SYTL2: variants seen among roughly 807,000 people sequenced by gnomAD.
The protein encoded by SYTL2 is synaptotagmin like 2, also known as synaptotagmin-like protein 2.
Under a neutral mutation model 198.7 loss-of-function variants are expected in SYTL2, and 165 were observed. The observed-to-expected ratio is 0.83, with a 90% CI of 0.73 to 0.94. The LOEUF is 0.94. Among genes scored for constraint, SYTL2 ranks in the 40% least tolerant of loss-of-function variants. The probability of loss-of-function intolerance (pLI) is 0.00; values close to 1 mark genes in which losing one functional copy is unlikely to be tolerated. For missense variants in SYTL2, 2,835 were observed against 2,582.8 expected (o/e 1.10, Z -2.12); for synonymous variants, 966 against 917.7 (o/e 1.05, Z -0.95).
At chr11:85,753,919 C>T (rs1254060472) in intron 2 of SYTL2, among the ~76,000 whole-genome samples, 1 of 152,134 alleles carries the variant, frequency 6.6e-6, no homozygotes, top group Non-Finnish European at 1.5e-5. Flanking sequence ...TCATCTACCG[C>T]CATACTGAAA....
chr11:85,733,970 C>T lies in SYTL2; in HGVS notation c.1359G>A (p.Arg453=), dbSNP rs771364333. ...EPKDKSSELT[R]LESVLPRSPA... is the part of the protein sequence containing the mutation. ...GGCTTCTGGGTAATACAGATTCAAG[C>T]CTTGTTAATTCTGATGATTTATCTT... Residue 453 remains arginine, a synonymous_variant, in exon 7 of 20, where the codon AGG becomes AGA. Transcript: ENST00000359152. 1 of 1,614,022 alleles carries T rather than the reference C, an allele frequency of 6.2e-7. No homozygotes were observed. The highest frequency in any genetic ancestry group is 8.5e-7 in the Non-Finnish European group (1 of 1,179,922).
intron 9 of SYTL2, chr11:85,719,466 A>C (rs2153451283): frequency 2.9e-6 from 1 of 342,336 alleles, no homozygotes; most frequent in Middle Eastern, 1.5e-3. Context: ...CCCATGTTTC[A>C]CAGGCAAGAG....
chr11:85,712,381 T>C (rs2153428428), intron 12 of SYTL2, among the ~76,000 whole-genome samples: 1 of 152,318 alleles, frequency 6.6e-6, no homozygotes, highest in South Asian at 2.1e-4. Context: ...TAGTGAATTA[T>C]TGGAAGGATA....
At chr11:85,821,907 G>C in the SYTL2 span, among the ~76,000 whole-genome samples, 1 of 152,208 alleles carries the variant, frequency 6.6e-6, no homozygotes, top group East Asian at 1.9e-4. Context: ...CTACCTGAAT[G>C]ACTGTGCTAG....
chr11:85,817,504 ATC>A, the SYTL2 span, among the ~76,000 whole-genome samples: 3 of 152,338 alleles, frequency 2.0e-5, no homozygotes, highest in East Asian at 3.9e-4. Flanking sequence ...AATTAATTTC[ATC>A]TGTTTATTTT....
intron 1 of SYTL2, among the ~76,000 whole-genome samples, chr11:85,795,903 AAAGGTGACACAC>A: frequency 6.6e-6 from 1 of 152,288 alleles, no homozygotes. Flanking sequence ...AGGACTCAGG[AAAGGTGACACAC>A]AAGCACAGAG....
the SYTL2 span, among the ~76,000 whole-genome samples, chr11:85,848,565 C>T: frequency 6.6e-6 from 1 of 151,828 alleles, no homozygotes; most frequent in Non-Finnish European, 1.5e-5. Context: ...CTTTGCTTAT[C>T]GAGTTACTTT....
Position 85,720,870 on chromosome 11 carries a change from A to G in SYTL2, c.5416T>C (p.Ser1806Pro). ...MPSKSLEDIS[S>P]DSSNQAKVDN... The stretch of plus-strand genomic sequence containing the variant: ...ACTTTATTCTCACTTGATGAATCTG[A>G]TGAAATGTCTTCTAGACTTTTGGAA... The change falls in exon 9 of 20, where the codon TCA (serine) becomes CCA (proline). Residue 1806 changes from serine (S) to proline (P), a missense_variant. Physicochemically the swap from Ser to Pro is moderately conservative, Grantham distance 74 (BLOSUM62 -1). Coordinates refer to ENST00000359152, the MANE Select transcript of SYTL2 (RefSeq NM_206927.4). 1 of 1,611,850 alleles carries G rather than the reference A, an allele frequency of 6.2e-7. No individual in the cohort carries two copies. The highest frequency in any genetic ancestry group is 8.5e-7 in the Non-Finnish European group (1 of 1,177,966).
At chr11:85,757,541 A>T in intron 2 of SYTL2, 84 bp downstream of exon 2, 1 of 1,470,550 alleles carries the variant, frequency 6.8e-7, no homozygotes, top group Non-Finnish European at 9.4e-7. Context: ...ACTACCACTT[A>T]TAGTTGAAAA....
intron 2 of SYTL2, 91 bp from the exon 3 acceptor site, chr11:85,748,514 C>T: frequency 7.5e-7 from 1 of 1,340,980 alleles, no homozygotes; most frequent in South Asian, 1.4e-5. Flanking sequence ...TGTAAACACA[C>T]AGATAAAATG....
At chr11:85,838,581 C>T in the SYTL2 span, among the ~76,000 whole-genome samples, 4 of 152,104 alleles carry the variant, frequency 2.6e-5, no homozygotes, top group Non-Finnish European at 5.9e-5. Flanking sequence ...GTATCTCACA[C>T]GGTGAAAGCA....
chr11:85,739,138 T>A (rs2090586742), intron 4 of SYTL2, among the ~76,000 whole-genome samples: 1 of 151,964 alleles, frequency 6.6e-6, no homozygotes. Flanking sequence ...CATCTTTATA[T>A]CCCCTGCAGT....
chr11:85,824,658 T>C, the SYTL2 span, among the ~76,000 whole-genome samples: 1 of 152,210 alleles, frequency 6.6e-6, no homozygotes, highest in Non-Finnish European at 1.5e-5. Flanking sequence ...TAGCAAAGAT[T>C]TCTCCTTTTC....
At position 85,724,973 on chromosome 11, in the gene SYTL2, C is replaced by T. The variant is rs2088916814; in HGVS notation, c.4385G>A (p.Ser1462Asn). ...AQMSPSDQTL[S>N]SFASIVAQYG... ...TTGAGCAACAATGGAAGCAAATGAG[C>T]TAAGCGTCTGGTCTGATGGAGACAT... is the stretch of plus-strand genomic sequence containing the variant. Residue 1462 changes from serine to asparagine, a missense_variant, in exon 8 of 20, where the codon AGC becomes AAC. Transcript: ENST00000359152. 6.2e-7 allele frequency: 1 copy of T among 1,613,512 alleles called. No individual in the cohort carries two copies. Among genetic ancestry groups the T allele is most frequent in the Admixed American group, 1.7e-5 (1 of 59,944 alleles).
intron 1 of SYTL2, among the ~76,000 whole-genome samples, chr11:85,799,846 A>T (rs914764779): frequency 6.6e-6 from 1 of 152,194 alleles, no homozygotes; most frequent in Non-Finnish European, 1.5e-5. Flanking sequence ...AGCCTAAAAC[A>T]ATTTGGCACA....
At chr11:85,765,407 TTG>T (rs2092213666) in intron 1 of SYTL2, among the ~76,000 whole-genome samples, 2 of 152,172 alleles carry the variant, frequency 1.3e-5, no homozygotes, top group Non-Finnish European at 2.9e-5. Flanking sequence ...AAGCTAATTT[TTG>T]TGTGTTTAGT....
At chr11:85,828,334 T>C in the SYTL2 span, among the ~76,000 whole-genome samples, 2 of 152,218 alleles carry the variant, frequency 1.3e-5, no homozygotes, top group Admixed American at 6.5e-5. Flanking sequence ...TATTAGTATG[T>C]AGGCAGTAAA....
intron 1 of SYTL2, among the ~76,000 whole-genome samples, chr11:85,805,691 C>T (rs2092949929): frequency 6.6e-6 from 1 of 152,178 alleles, no homozygotes; most frequent in African/African-American, 2.4e-5. Flanking sequence ...TCAAGACTTA[C>T]AGTAAAACAA....
the SYTL2 span, among the ~76,000 whole-genome samples, chr11:85,837,309 A>G: frequency 5.3e-3 from 803 of 152,244 alleles, 3 homozygotes; most frequent in Admixed American, 0.011. Flanking sequence ...TAGAACTGCT[A>G]TCTTCATAAG....
Sources: gnomAD v4.1 joint callset for allele counts (sites outside exome capture counted in the v4.1 genomes callset) on GRCh38, gnomAD v4.1.1 for gene constraint, MANE v1.5 for transcripts, NCBI Gene and HGNC (gene_info 2026-07-23, HGNC 2026-07-21) for gene names.